The following CNTNAP2 variants were observed in gnomAD, a reference collection of about 807,000 sequenced individuals.
The protein encoded by CNTNAP2 is contactin-associated protein-like 2.
In CNTNAP2, 98 loss-of-function variants were observed where a neutral mutation model predicts 155.2. The observed-to-expected ratio is 0.63, with a 90% CI of 0.54 to 0.75. The LOEUF (loss-of-function observed/expected upper bound fraction) is 0.75, where lower values mean the gene tolerates loss of function less well. Among genes scored for constraint, CNTNAP2 ranks in the 30% least tolerant of loss-of-function variants. CNTNAP2 has a pLI of 0.00. For missense variants in CNTNAP2, 1,727 were observed against 1,688.1 expected (o/e 1.02, Z -0.40); for synonymous variants, 651 against 631.2 (o/e 1.03, Z -0.47).
At chr7:146,768,300 T>C (rs975251748) in intron 1 of CNTNAP2, among the ~76,000 whole-genome samples, 1 of 151,384 alleles carries the variant, frequency 6.6e-6, no homozygotes, top group African/African-American at 2.4e-5. Context: ...AGCACAGCAG[T>C]TCCTCAAGAG....
chr7:146,826,857 TAG>T lies in CNTNAP2; in HGVS notation c.209-12832_209-12831del, dbSNP rs1554485885. On this transcript the variant is annotated intron_variant, in intron 2 of 23. Coordinates refer to ENST00000361727, the MANE Select transcript of CNTNAP2 (RefSeq NM_014141.6). ...ATATGTATATATATATATATATATA[TAG>T]AGAGAGAGAGAGAGAGAGAGACTTG... 7.1e-3 allele frequency among the ~76,000 whole-genome samples: 984 copies of T among 138,938 alleles called. 12 individuals carry two copies. The highest frequency in any genetic ancestry group is 0.025 in the African/African-American group (912 of 37,050). The allele number at this position is 138,938 out of a possible 152,430, so 91.1% of individuals were successfully genotyped here. A position where few individuals can be genotyped will look rare whatever the true frequency, so the allele number is the denominator to read the frequency against.
intron 1 of CNTNAP2, among the ~76,000 whole-genome samples, chr7:146,466,514 C>T (rs1273083005): frequency 2.0e-5 from 3 of 152,146 alleles, no homozygotes. Context: ...AGGATCATTA[C>T]TACAGATTAG....
intron 11 of CNTNAP2, among the ~76,000 whole-genome samples, chr7:147,553,162 A>G (rs1371151433): frequency 6.6e-6 from 1 of 152,190 alleles, no homozygotes; most frequent in Non-Finnish European, 1.5e-5. Flanking sequence ...TAAGTGGTGA[A>G]GAAGCAGGAG....
At chr7:147,022,269 G>T (rs1435964789) in intron 3 of CNTNAP2, among the ~76,000 whole-genome samples, 1 of 152,076 alleles carries the variant, frequency 6.6e-6, no homozygotes, top group African/African-American at 2.4e-5. Context: ...GTGAGTCCTA[G>T]ATCAGTCCAC....
chr7:146,442,610 T>A (rs916575264), intron 1 of CNTNAP2, among the ~76,000 whole-genome samples: 2 of 152,182 alleles, frequency 1.3e-5, no homozygotes, highest in Non-Finnish European at 2.9e-5. Flanking sequence ...CTAACATCTG[T>A]GGTCCATCTT....
At chr7:148,189,538 T>A (rs1293306832) in intron 18 of CNTNAP2, among the ~76,000 whole-genome samples, 3 of 152,134 alleles carry the variant, frequency 2.0e-5, no homozygotes, top group Non-Finnish European at 4.4e-5. Flanking sequence ...CTCTTCTGGG[T>A]GGCAGAAGCT....
At chr7:148,393,431 A>G (rs1211748040) in intron 22 of CNTNAP2, among the ~76,000 whole-genome samples, 1 of 152,170 alleles carries the variant, frequency 6.6e-6, no homozygotes, top group Non-Finnish European at 1.5e-5. Flanking sequence ...TCCAAATTCC[A>G]CTTTTCCTGC....
chr7:146,852,869 C>T (rs753573703), intron 3 of CNTNAP2, among the ~76,000 whole-genome samples: 10 of 152,162 alleles, frequency 6.6e-5, no homozygotes, highest in East Asian at 1.9e-4. Context: ...AGGGTGAAGT[C>T]GTTGTTTATC....
At chr7:148,373,254 G>A (rs1410250502) in intron 21 of CNTNAP2, among the ~76,000 whole-genome samples, 2 of 152,122 alleles carry the variant, frequency 1.3e-5, no homozygotes, top group Non-Finnish European at 2.9e-5. Context: ...TCAGGAGTTC[G>A]AGACCAGCCT....
chr7:146,633,272 G>T (rs529046962), intron 1 of CNTNAP2, among the ~76,000 whole-genome samples: 1 of 152,260 alleles, frequency 6.6e-6, no homozygotes, highest in East Asian at 1.9e-4. Context: ...GAAACCTTTT[G>T]CCCTAGAGGC....
chr7:146,245,651 A>G (rs1297955521), intron 1 of CNTNAP2, among the ~76,000 whole-genome samples: 4 of 152,086 alleles, frequency 2.6e-5, no homozygotes, highest in Non-Finnish European at 5.9e-5. Flanking sequence ...ACGATCAGCA[A>G]GGAAAGCACG....
intron 3 of CNTNAP2, among the ~76,000 whole-genome samples, chr7:147,016,225 G>T (rs1408942091): frequency 6.6e-6 from 1 of 151,800 alleles, no homozygotes; most frequent in Non-Finnish European, 1.5e-5. Flanking sequence ...AGCACTGTCA[G>T]TCTTTTAATC....
At chr7:148,061,974 G>GATAAACAGAT (rs1420582080) in intron 15 of CNTNAP2, among the ~76,000 whole-genome samples, 4 of 121,944 alleles carry the variant, frequency 3.3e-5, no homozygotes, top group African/African-American at 1.4e-4. Flanking sequence ...TAGATAGATA[G>GATAAACAGAT]ATAGATAGAT....
chr7:148,061,548 T>G (rs1268308454), intron 15 of CNTNAP2, among the ~76,000 whole-genome samples: 1 of 151,902 alleles, frequency 6.6e-6, no homozygotes, highest in Admixed American at 6.6e-5. Flanking sequence ...AGAGACGAGG[T>G]TTCACCATGT....
chr7:148,247,885 C>G (rs906891424), intron 20 of CNTNAP2, among the ~76,000 whole-genome samples: 10 of 151,904 alleles, frequency 6.6e-5, no homozygotes, highest in African/African-American at 2.4e-4. Flanking sequence ...GACCCCTGAC[C>G]TCAAGCAATC....
intron 21 of CNTNAP2, among the ~76,000 whole-genome samples, chr7:148,363,606 T>C (rs1026646304): frequency 6.6e-6 from 1 of 152,168 alleles, no homozygotes; most frequent in South Asian, 2.1e-4. Context: ...GTTCCTTCTA[T>C]CTGGAATGCT....
chr7:148,022,822 C>T (rs1006119559), intron 15 of CNTNAP2, among the ~76,000 whole-genome samples: 1 of 152,148 alleles, frequency 6.6e-6, no homozygotes, highest in Non-Finnish European at 1.5e-5. Context: ...GCCCGATCAT[C>T]AGTGCTAGGA....
chr7:147,957,451 T>A (rs796560948), intron 14 of CNTNAP2, among the ~76,000 whole-genome samples: 21 of 152,226 alleles, frequency 1.4e-4, no homozygotes, highest in African/African-American at 4.6e-4. Flanking sequence ...TTAAAGGCAG[T>A]GGTCAGAAGT....
intron 1 of CNTNAP2, among the ~76,000 whole-genome samples, chr7:146,721,889 A>ATATATTTTTTTTTTTTTTTTTTTTTTTT: frequency 2.9e-5 from 2 of 69,738 alleles, no homozygotes; most frequent in Non-Finnish European, 4.8e-5. Flanking sequence ...ATATATATAT[A>ATATATTTTTTTTTTTTTTTTTTTTTTTT]TTTTTTTTTT....
Sources: gnomAD v4.1 joint callset for allele counts (sites outside exome capture counted in the v4.1 genomes callset) on GRCh38, gnomAD v4.1.1 for gene constraint, MANE v1.5 for transcripts, NCBI Gene and HGNC (gene_info 2026-07-23, HGNC 2026-07-21) for gene names.